GOLGA7B: variants seen among roughly 807,000 people sequenced by gnomAD.
GOLGA7B encodes the protein golgin subfamily A member 7B.
Under a neutral mutation model 21.5 loss-of-function variants are expected in GOLGA7B, and 17 were observed. The observed-to-expected ratio is 0.79, with a 90% confidence interval of 0.54 to 1.19. The LOEUF is 1.19. GOLGA7B is among the 50% of genes most tolerant of loss of function. GOLGA7B has a pLI of 0.00. For missense variants in GOLGA7B, 169 were observed against 224.4 expected (o/e 0.75, Z 1.58); for synonymous variants, 87 against 84.0 (o/e 1.04, Z -0.19).
intron 1 of GOLGA7B, among the ~76,000 whole-genome samples, chr10:97,854,751 C>T (rs1266494731): frequency 6.6e-6 from 1 of 152,198 alleles, no homozygotes; most frequent in Non-Finnish European, 1.5e-5. Context: ...TGTAAGGTAG[C>T]ACCCCCAAAT....
intron 4 of GOLGA7B, among the ~76,000 whole-genome samples, chr10:97,864,735 C>T (rs1301336575): frequency 6.6e-6 from 1 of 152,098 alleles, no homozygotes; most frequent in Admixed American, 6.6e-5. Context: ...TGGAATCTCC[C>T]GTGGCAGGTC....
intron 1 of GOLGA7B, among the ~76,000 whole-genome samples, chr10:97,855,072 A>G (rs2049926924): frequency 6.6e-6 from 1 of 152,212 alleles, no homozygotes; most frequent in Non-Finnish European, 1.5e-5. Context: ...GAGGCTGGGA[A>G]TTAATATAGC....
intron 4 of GOLGA7B, 119 bp from the exon 5 acceptor site, chr10:97,865,471 C>A: frequency 1.3e-6 from 2 of 1,518,666 alleles, no homozygotes; most frequent in Non-Finnish European, 1.8e-6. Flanking sequence ...TACATCCCTA[C>A]TGTCTAGGCA....
intron 2 of GOLGA7B, 46 bp from the exon 3 acceptor site, chr10:97,863,884 C>T (rs1460128746): frequency 5.1e-6 from 8 of 1,565,158 alleles, no homozygotes; most frequent in Non-Finnish European, 6.1e-6. Context: ...TGACTGTGCA[C>T]ACTCCAGGGA....
rs2050039287 is a variant in GOLGA7B, at chr10:97,867,315, G to A, written c.*1615G>A. 6.6e-6 allele frequency: 1 copy of A among 152,278 alleles called. No individual in the cohort carries two copies. Among genetic ancestry groups the A allele is most frequent in the South Asian group, 2.1e-4 (1 of 4,828 alleles). 9.4% of individuals were successfully genotyped at this position (152,278 alleles called of 1,614,324 possible). The stretch of plus-strand genomic sequence containing the variant: ...AGCAGGTGGGATGGGAGCAGCCCCT[G>A]GGGCTGGTGTCCCGAAGATGAAATG... On this transcript the variant is annotated 3_prime_UTR_variant, in exon 5 of 5. Transcript: ENST00000370602.
In GOLGA7B at chr10:97,870,594, G is replaced by A. The variant is rs1426581465; in HGVS notation, c.*4894G>A. 1 of 152,128 alleles carries A rather than the reference G, an allele frequency of 6.6e-6. No homozygotes were observed. The highest frequency in any genetic ancestry group is 1.5e-5 in the Non-Finnish European group (1 of 68,034). 9.4% of individuals were successfully genotyped at this position (152,128 alleles called of 1,614,324 possible). A position where few individuals can be genotyped will look rare whatever the true frequency, so the allele number is the denominator to read the frequency against. ...GAGCTGTGTATTTGTCTGTACTGGT[G>A]ATATATTTCAATAAAATTCACCAGA... On this transcript the variant is annotated 3_prime_UTR_variant, in exon 5 of 5. Transcript: ENST00000370602.
chr10:97,870,001 A>T lies in GOLGA7B; in HGVS notation c.*4301A>T, dbSNP rs970739034. 6.6e-6 allele frequency: 1 copy of T among 152,222 alleles called. No individual in the cohort carries two copies. Among genetic ancestry groups the T allele is most frequent in the Non-Finnish European group, 1.5e-5 (1 of 68,036 alleles). The allele number at this position is 152,222 out of a possible 1,614,324, so 9.4% of individuals were successfully genotyped here. Reference sequence around the variant, plus strand: ...AGCTCTGGCTTCATGACACTGACACATGAAGACTCTTGGAGCCTCAGATTC... The same window carrying T: ...AGCTCTGGCTTCATGACACTGACACTTGAAGACTCTTGGAGCCTCAGATTC... On this transcript the variant is annotated 3_prime_UTR_variant, in exon 5 of 5. Transcript: ENST00000370602.
intron 2 of GOLGA7B, among the ~76,000 whole-genome samples, chr10:97,861,623 A>C (rs1564866211): frequency 1.3e-5 from 2 of 152,174 alleles, no homozygotes; most frequent in Non-Finnish European, 2.9e-5. Context: ...CTTTCATCCT[A>C]GGCTGCCCTA....
At chr10:97,851,817 C>T (rs945195701) in intron 1 of GOLGA7B, among the ~76,000 whole-genome samples, 2 of 152,252 alleles carry the variant, frequency 1.3e-5, no homozygotes, top group Admixed American at 6.5e-5. Flanking sequence ...AGATTCCAAC[C>T]AGCAGGCTTC....
At position 97,865,659 on chromosome 10, in the gene GOLGA7B, GGCA is replaced by G; in HGVS notation, c.472_474del (p.Ser158del). ...CAGCAGCGGCAGCAGCAGCGGCAGT[GGCA>G]GCAGCAGCGGTGGGGGTGGTGGGGC... On this transcript the variant is annotated inframe_deletion, in exon 5 of 5. Transcript: ENST00000370602. 1.2e-6 allele frequency: 2 copies of G among 1,611,034 alleles called. No individual in the cohort carries two copies. Among genetic ancestry groups the G allele is most frequent in the Non-Finnish European group, 1.7e-6 (2 of 1,178,700 alleles).
At chr10:97,854,608 C>T (rs1236300164) in intron 1 of GOLGA7B, among the ~76,000 whole-genome samples, 2 of 152,194 alleles carry the variant, frequency 1.3e-5, no homozygotes, top group African/African-American at 4.8e-5. Context: ...AGAAGCAGAT[C>T]TCTGGTCACC....
At position 97,867,780 on chromosome 10, in the gene GOLGA7B, T is replaced by C. The variant is rs954544423; in HGVS notation, c.*2080T>C. 6.6e-6 allele frequency: 1 copy of C among 151,758 alleles called. No homozygotes were observed. Among genetic ancestry groups the C allele is most frequent in the Non-Finnish European group, 1.5e-5 (1 of 67,994 alleles). The allele number at this position is 151,758 out of a possible 1,614,324, so 9.4% of individuals were successfully genotyped here. ...TGATGCTTTCTCTGCCCCGTGACGA[T>C]GGAGGGTCAGTTCTATGCTCCAGGA... is the stretch of plus-strand genomic sequence containing the variant. On this transcript the variant is annotated 3_prime_UTR_variant, in exon 5 of 5. Transcript: ENST00000370602.
At chr10:97,860,390 A>G (rs1456209110) in intron 2 of GOLGA7B, among the ~76,000 whole-genome samples, 1 of 152,010 alleles carries the variant, frequency 6.6e-6, no homozygotes, top group Admixed American at 6.5e-5. Context: ...CCCTTGATGG[A>G]AATCCAGGAT....
At chr10:97,865,515 G>T (rs1020507104) in intron 4 of GOLGA7B, 75 bp from the exon 5 acceptor site, 9 of 1,577,350 alleles carry the variant, frequency 5.7e-6, no homozygotes, top group South Asian at 1.2e-5. Context: ...TCCCCTGCTG[G>T]ACTCCATCCG....
chr10:97,852,003 A>G (rs1397634051), intron 1 of GOLGA7B, among the ~76,000 whole-genome samples: 1 of 152,226 alleles, frequency 6.6e-6, no homozygotes, highest in East Asian at 1.9e-4. Context: ...GTGGGTAAGG[A>G]TGGTGTTATT....
At chr10:97,862,418 T>C (rs2049976737) in intron 2 of GOLGA7B, among the ~76,000 whole-genome samples, 1 of 152,236 alleles carries the variant, frequency 6.6e-6, no homozygotes, top group South Asian at 2.1e-4. Context: ...CTTCTGTTAA[T>C]ACAAACAGTT....
Position 97,869,171 on chromosome 10 carries a change from A to T in GOLGA7B, c.*3471A>T, listed in dbSNP as rs2050062689. Reference sequence around the variant, plus strand: ...GGCAGATTCCCAGGGAAGGACTTGGAGCCATGCCTGGGTTTTGAGGCCGGG... The same window carrying T: ...GGCAGATTCCCAGGGAAGGACTTGGTGCCATGCCTGGGTTTTGAGGCCGGG... On this transcript the variant is annotated 3_prime_UTR_variant, in exon 5 of 5. Coordinates refer to ENST00000370602, the MANE Select transcript of GOLGA7B (RefSeq NM_001010917.3). The T allele has an allele frequency of 6.6e-6, 1 of 152,220 alleles. No individual in the cohort carries two copies. Among genetic ancestry groups the T allele is most frequent in the East Asian group, 1.9e-4 (1 of 5,186 alleles). The allele number at this position is 152,220 out of a possible 1,614,324, so 9.4% of individuals were successfully genotyped here.
At chr10:97,862,222 A>G (rs1243531464) in intron 2 of GOLGA7B, among the ~76,000 whole-genome samples, 1 of 152,216 alleles carries the variant, frequency 6.6e-6, no homozygotes, top group Non-Finnish European at 1.5e-5. Context: ...CTCTAGAGAT[A>G]TAGGAGTAAA....
intron 1 of GOLGA7B, among the ~76,000 whole-genome samples, chr10:97,858,854 T>C (rs770646001): frequency 7.2e-5 from 11 of 152,240 alleles, no homozygotes; most frequent in Non-Finnish European, 1.5e-5. Context: ...ACATGTTCCC[T>C]GCCTGCAACT....
Sources: allele counts gnomAD v4.1 joint callset (sites outside exome capture counted in the v4.1 genomes callset), GRCh38; gene constraint gnomAD v4.1.1; transcripts MANE v1.5; gene names NCBI Gene and HGNC (gene_info 2026-07-23, HGNC 2026-07-21).